SGCZ: variants seen among roughly 807,000 people sequenced by gnomAD.
SGCZ encodes the protein zeta-sarcoglycan.
In SGCZ, 40 loss-of-function variants were observed where a neutral mutation model predicts 41.3. That is an observed-to-expected ratio of 0.97 (90% CI 0.75 to 1.26). The LOEUF (loss-of-function observed/expected upper bound fraction) is 1.26, where lower values mean the gene tolerates loss of function less well. Among genes scored for constraint, SGCZ ranks in the 50% most tolerant of loss-of-function variants. The pLI is 0.00. For missense variants in SGCZ, 552 were observed against 369.8 expected (o/e 1.49, Z -4.04); for synonymous variants, 206 against 137.5 (o/e 1.50, Z -3.49).
chr8:14,362,275 C>T (rs552718831), intron 2 of SGCZ, among the ~76,000 whole-genome samples: 9 of 152,184 alleles, frequency 5.9e-5, no homozygotes, highest in Non-Finnish European at 1.2e-4. Flanking sequence ...ATATGCCCTG[C>T]CCCCGGAGGT....
chr8:14,752,801 A>G (rs1799538488), intron 1 of SGCZ, among the ~76,000 whole-genome samples: 1 of 152,214 alleles, frequency 6.6e-6, no homozygotes, highest in Non-Finnish European at 1.5e-5. Flanking sequence ...GATTTAAATT[A>G]TACTGGGGAG....
At chr8:14,947,931 C>T (rs1016676509) in intron 1 of SGCZ, among the ~76,000 whole-genome samples, 1 of 152,116 alleles carries the variant, frequency 6.6e-6, no homozygotes, top group Admixed American at 6.5e-5. Flanking sequence ...ATCTAATTAT[C>T]TTTGTTCTAC....
chr8:15,154,126 C>T (rs1368048916), intron 1 of SGCZ, among the ~76,000 whole-genome samples: 1 of 152,176 alleles, frequency 6.6e-6, no homozygotes. Flanking sequence ...CGGTTCCTAA[C>T]AGGCCATGAA....
chr8:14,747,368 G>A (rs897617262), intron 1 of SGCZ, among the ~76,000 whole-genome samples: 1 of 152,106 alleles, frequency 6.6e-6, no homozygotes, highest in Non-Finnish European at 1.5e-5. Context: ...TGGAGTTACT[G>A]GTGGCCTGGC....
intron 1 of SGCZ, among the ~76,000 whole-genome samples, chr8:14,905,502 G>A (rs1304160939): frequency 6.6e-6 from 1 of 152,006 alleles, no homozygotes; most frequent in African/African-American, 2.4e-5. Flanking sequence ...GAGCCAATGT[G>A]GACCGCCATC....
At chr8:15,009,989 C>T (rs186196521) in intron 1 of SGCZ, among the ~76,000 whole-genome samples, 21 of 152,056 alleles carry the variant, frequency 1.4e-4, no homozygotes, top group South Asian at 6.2e-4. Context: ...ACAAAGAGTC[C>T]GCTGCTTTAA....
chr8:14,459,844 G>A (rs1363539929), intron 2 of SGCZ, among the ~76,000 whole-genome samples: 1 of 152,030 alleles, frequency 6.6e-6, no homozygotes, highest in African/African-American at 2.4e-5. Context: ...GAAAACATCA[G>A]AGAACCCCAA....
chr8:14,551,514 TATTATATATAATATATATAATATATATAA>T (rs1803833376), intron 2 of SGCZ, among the ~76,000 whole-genome samples: 1 of 11,660 alleles, frequency 8.6e-5, no homozygotes, highest in African/African-American at 3.5e-4. Flanking sequence ...ATATTATATA[TATTATATATAATATATATAATATATATAA>T]TATATATAAT....
At chr8:14,403,671 A>T (rs920178444) in intron 2 of SGCZ, among the ~76,000 whole-genome samples, 22 of 152,150 alleles carry the variant, frequency 1.4e-4, no homozygotes, top group Non-Finnish European at 5.9e-5. Flanking sequence ...ACTTATTTTC[A>T]TAAGTCAGTA....
At chr8:14,118,156 C>T (rs1802582150) in intron 5 of SGCZ, among the ~76,000 whole-genome samples, 1 of 152,058 alleles carries the variant, frequency 6.6e-6, no homozygotes, top group Non-Finnish European at 1.5e-5. Flanking sequence ...GAGGAATCGC[C>T]ACATTGTCTT....
chr8:14,381,797 A>G (rs1328171513), intron 2 of SGCZ, among the ~76,000 whole-genome samples: 2 of 151,938 alleles, frequency 1.3e-5, no homozygotes, highest in Non-Finnish European at 2.9e-5. Flanking sequence ...AAAAAAAAAC[A>G]AAAAACAAAA....
At chr8:14,240,833 A>G (rs1798857980) in intron 3 of SGCZ, among the ~76,000 whole-genome samples, 1 of 152,210 alleles carries the variant, frequency 6.6e-6, no homozygotes, top group South Asian at 2.1e-4. Context: ...GAGGTTTAAC[A>G]CATGACTTTT....
Position 14,373,528 on chromosome 8 carries a change from G to T in SGCZ, c.235-49324C>A, listed in dbSNP as rs151024203. On this transcript the variant is annotated intron_variant, in intron 2 of 7. Transcript: ENST00000382080. ...ACCCAAGTCTCTACAAAATTATTAGGTTCAATCAGGTAGAACTAGTGATGG... is the reference window on the plus strand; with the variant it reads ...ACCCAAGTCTCTACAAAATTATTAGTTTCAATCAGGTAGAACTAGTGATGG... Among the ~76,000 whole-genome samples the T allele has an allele frequency of 1.9e-3, 290 of 152,188 alleles. 1 individual carries two copies. Among genetic ancestry groups the T allele is most frequent in the African/African-American group, 6.8e-3 (283 of 41,508 alleles).
At chr8:14,674,646 C>G (rs1326999510) in intron 1 of SGCZ, among the ~76,000 whole-genome samples, 1 of 152,054 alleles carries the variant, frequency 6.6e-6, no homozygotes, top group Non-Finnish European at 1.5e-5. Context: ...GACGTGGGAC[C>G]TGGTGGGAGG....
chr8:14,736,359 AT>A (rs982363135), intron 1 of SGCZ, among the ~76,000 whole-genome samples: 3 of 152,148 alleles, frequency 2.0e-5, no homozygotes, highest in Non-Finnish European at 2.9e-5. Flanking sequence ...AATCTGCAAC[AT>A]TTTTTTATTA....
Position 14,947,104 on chromosome 8 carries a change from T to C in SGCZ, c.39+290481A>G, listed in dbSNP as rs540348313. Among the ~76,000 whole-genome samples, 192 of 152,256 alleles carry C rather than the reference T, an allele frequency of 1.3e-3. 1 individual carries two copies. The highest frequency in any genetic ancestry group is 4.4e-3 in the African/African-American group (184 of 41,538). On this transcript the variant is annotated intron_variant, in intron 1 of 7. Coordinates refer to ENST00000382080, the MANE Select transcript of SGCZ (RefSeq NM_139167.4). Reference sequence around the variant, plus strand: ...AAGAAAAGTAACCCCAGTACATCAATAGAGTTTAATCCAACTTTGAAAAGC... The same window carrying C: ...AAGAAAAGTAACCCCAGTACATCAACAGAGTTTAATCCAACTTTGAAAAGC...
intron 1 of SGCZ, among the ~76,000 whole-genome samples, chr8:15,015,481 C>A: frequency 6.6e-6 from 1 of 151,764 alleles, no homozygotes; most frequent in East Asian, 1.9e-4. Flanking sequence ...GGGTGGATCA[C>A]GAGGTCAGCA....
chr8:15,058,639 G>T (rs764584966), intron 1 of SGCZ, among the ~76,000 whole-genome samples: 1 of 152,170 alleles, frequency 6.6e-6, no homozygotes, highest in Non-Finnish European at 1.5e-5. Flanking sequence ...TTCCCCTGGA[G>T]CTCTTCTTCC....
At chr8:15,015,966 A>G (rs934172460) in intron 1 of SGCZ, among the ~76,000 whole-genome samples, 1 of 152,046 alleles carries the variant, frequency 6.6e-6, no homozygotes, top group East Asian at 1.9e-4. Flanking sequence ...GACTAATACT[A>G]TTTGTAAAAA....
Sources: gnomAD v4.1 joint callset for allele counts (sites outside exome capture counted in the v4.1 genomes callset) on GRCh38, gnomAD v4.1.1 for gene constraint, MANE v1.5 for transcripts, NCBI Gene and HGNC (gene_info 2026-07-23, HGNC 2026-07-21) for gene names.